Variants in DGKB observed in about 807,000 individuals in gnomAD.
DGKB encodes the protein diacylglycerol kinase beta.
A neutral mutation model predicts 114.3 loss-of-function variants in DGKB; 67 were observed. The observed-to-expected ratio is 0.59, with a 90% CI of 0.48 to 0.72. DGKB has a LOEUF of 0.72. DGKB is among the 30% of genes least tolerant of loss of function. The pLI is 0.00. For synonymous variants in DGKB, 398 were observed against 323.1 expected (o/e 1.23, Z -2.49); for missense variants, 907 against 975.2 (o/e 0.93, Z 0.93).
At chr7:14,882,659 T>C (rs1394783888) in intron 1 of DGKB, among the ~76,000 whole-genome samples, 1 of 151,976 alleles carries the variant, frequency 6.6e-6, no homozygotes, top group African/African-American at 2.4e-5. Context: ...GCACAGTTTT[T>C]AGCACCCACT....
Position 14,147,720 on chromosome 7 carries a change from A to G in DGKB, c.*1411T>C, listed in dbSNP as rs547678398. 1 of 152,690 alleles carries G rather than the reference A, an allele frequency of 6.5e-6. No individual in the cohort carries two copies. Among genetic ancestry groups the G allele is most frequent in the South Asian group, 2.1e-4 (1 of 4,830 alleles). The allele number at this position is 152,690 out of a possible 1,614,324, so 9.5% of individuals were successfully genotyped here. On this transcript the variant is annotated 3_prime_UTR_variant, in exon 26 of 26. Transcript: ENST00000402815. Reference sequence around the variant, plus strand: ...CATGTTTGAAAACATAAAACATGCAATGATGAGATGCAGGTCAATATGAAT... The same window carrying G: ...CATGTTTGAAAACATAAAACATGCAGTGATGAGATGCAGGTCAATATGAAT...
chr7:14,254,472 A>G (rs777589137), intron 23 of DGKB, among the ~76,000 whole-genome samples: 12 of 152,198 alleles, frequency 7.9e-5, no homozygotes, highest in Non-Finnish European at 1.8e-4. Flanking sequence ...AGATGATTGC[A>G]TTTGAGTTTC....
intron 2 of DGKB, among the ~76,000 whole-genome samples, chr7:14,780,607 C>A (rs1586454058): frequency 6.7e-6 from 1 of 149,696 alleles, no homozygotes; most frequent in Non-Finnish European, 1.5e-5. Flanking sequence ...GTTTGCATAG[C>A]ATTTTGAGCA....
chr7:14,863,206 TG>T (rs2128183570), intron 1 of DGKB, among the ~76,000 whole-genome samples: 1 of 151,762 alleles, frequency 6.6e-6, no homozygotes, highest in Non-Finnish European at 1.5e-5. Context: ...TTTGTAATTG[TG>T]TGTGTGTGAG....
At chr7:14,662,314 T>A (rs1402668161) in intron 13 of DGKB, among the ~76,000 whole-genome samples, 3 of 152,002 alleles carry the variant, frequency 2.0e-5, no homozygotes, top group African/African-American at 7.2e-5. Context: ...AAAATGATTT[T>A]AAAATTTTAA....
intron 20 of DGKB, among the ~76,000 whole-genome samples, chr7:14,557,018 T>C (rs941792284): frequency 5.9e-5 from 9 of 152,170 alleles, no homozygotes; most frequent in African/African-American, 1.9e-4. Context: ...CAAAATAGGA[T>C]ACTGGACAAG....
intron 23 of DGKB, among the ~76,000 whole-genome samples, chr7:14,242,161 C>T (rs1793776157): frequency 6.6e-6 from 1 of 152,160 alleles, no homozygotes; most frequent in African/African-American, 2.4e-5. Context: ...GACCTGCCTA[C>T]AGGCTGACAT....
chr7:14,465,603 G>C (rs1332066548), intron 21 of DGKB, among the ~76,000 whole-genome samples: 2 of 152,160 alleles, frequency 1.3e-5, no homozygotes, highest in Non-Finnish European at 2.9e-5. Flanking sequence ...ACAGCCCCCA[G>C]GTTGATGCCA....
At chr7:14,561,278 T>C (rs576544906) in intron 20 of DGKB, among the ~76,000 whole-genome samples, 13 of 152,306 alleles carry the variant, frequency 8.5e-5, no homozygotes, top group Admixed American at 7.8e-4. Context: ...CTTTTCTTTC[T>C]GCCATGATAG....
At chr7:14,418,216 T>C (rs944659520) in intron 21 of DGKB, among the ~76,000 whole-genome samples, 2 of 20,676 alleles carry the variant, frequency 9.7e-5, no homozygotes, top group Non-Finnish European at 7.2e-3. Flanking sequence ...TAAATGTATA[T>C]ATTATATATG....
chr7:14,264,488 A>T, intron 23 of DGKB, among the ~76,000 whole-genome samples: 1 of 152,012 alleles, frequency 6.6e-6, no homozygotes. Context: ...GACCATAATT[A>T]AATATCTCAC....
intron 20 of DGKB, among the ~76,000 whole-genome samples, chr7:14,488,084 A>G (rs1037146439): frequency 6.6e-6 from 1 of 152,176 alleles, no homozygotes; most frequent in Non-Finnish European, 1.5e-5. Context: ...ACAGCTAGGG[A>G]ACCAGATGAA....
chr7:14,762,327 C>T (rs1275906605), intron 2 of DGKB, among the ~76,000 whole-genome samples: 1 of 152,028 alleles, frequency 6.6e-6, no homozygotes, highest in Non-Finnish European at 1.5e-5. Context: ...CCAGGGGCCC[C>T]CCAAAATGCA....
chr7:14,922,138 G>C (rs1306006520), intron 1 of DGKB, among the ~76,000 whole-genome samples: 1 of 151,478 alleles, frequency 6.6e-6, no homozygotes, highest in African/African-American at 2.4e-5. Context: ...TATTGATGTA[G>C]AAAAAAAATG....
chr7:14,371,962 C>A (rs1817725262), intron 21 of DGKB, among the ~76,000 whole-genome samples: 1 of 152,132 alleles, frequency 6.6e-6, no homozygotes, highest in African/African-American at 2.4e-5. Flanking sequence ...TGCTGGGTCT[C>A]CAAAGAATGA....
intron 23 of DGKB, among the ~76,000 whole-genome samples, chr7:14,313,940 C>T (rs939029371): frequency 8.5e-5 from 13 of 152,324 alleles, no homozygotes; most frequent in African/African-American, 2.2e-4. Flanking sequence ...GATCTGAGAA[C>T]GGGCAGACTG....
intron 16 of DGKB, among the ~76,000 whole-genome samples, chr7:14,609,908 T>C (rs926880744): frequency 1.3e-5 from 2 of 152,090 alleles, no homozygotes; most frequent in African/African-American, 2.4e-5. Flanking sequence ...AGGAAATGCC[T>C]CTATGCTGTT....
chr7:14,892,352 C>G (rs1050882499), intron 1 of DGKB, among the ~76,000 whole-genome samples: 1 of 151,196 alleles, frequency 6.6e-6, no homozygotes, highest in Admixed American at 6.6e-5. Flanking sequence ...GTACTCTAAC[C>G]AATCCTAACG....
rs568059712 is a variant in DGKB at position 14,340,394 on chromosome 7, A to G, written c.1927-1684T>C. ...TGTGTCAGGCCTCCCACTGTCTTCA[A>G]GTGGAATGTACTGGCTGGATAATTA... is the stretch of plus-strand genomic sequence containing the variant. On this transcript the variant is annotated intron_variant, in intron 22 of 25. Transcript: ENST00000402815. Among the ~76,000 whole-genome samples, 3 of 151,518 alleles carry G rather than the reference A, an allele frequency of 2.0e-5. No homozygotes were observed. In the Admixed American group the frequency reaches 2.0e-4, roughly 10 times the overall value.
Sources: gnomAD v4.1 joint callset for allele counts (sites outside exome capture counted in the v4.1 genomes callset) on GRCh38, gnomAD v4.1.1 for gene constraint, MANE v1.5 for transcripts, NCBI Gene and HGNC (gene_info 2026-07-23, HGNC 2026-07-21) for gene names.